DLG2: variants seen among roughly 807,000 people sequenced by gnomAD.
DLG2 encodes discs large MAGUK scaffold protein 2, also known as disks large homolog 2.
A neutral mutation model predicts 132.5 loss-of-function variants in DLG2; 45 were observed. That is an observed-to-expected ratio of 0.34 (90% confidence interval 0.27 to 0.44). DLG2 has a LOEUF of 0.44. Ranked by LOEUF, DLG2 falls within the 20% of genes least tolerant of loss-of-function variation. The probability of loss-of-function intolerance (pLI) is 1.00; values close to 1 mark genes in which losing one functional copy is unlikely to be tolerated. For synonymous variants in DLG2, 424 were observed against 419.6 expected, an observed-to-expected ratio of 1.01 and a Z score of -0.13; for missense variants, 1,045 against 1,196.9, an observed-to-expected ratio of 0.87 and a Z score of 1.87.
intron 6 of DLG2, among the ~76,000 whole-genome samples, chr11:84,906,218 A>C (rs993090945): frequency 4.7e-5 from 7 of 149,072 alleles, no homozygotes; most frequent in Non-Finnish European, 8.9e-5. Flanking sequence ...AACTAATATA[A>C]AAACAAGTTT....
intron 3 of DLG2, among the ~76,000 whole-genome samples, chr11:85,343,369 C>T (rs2082625423): frequency 6.6e-6 from 1 of 152,162 alleles, no homozygotes; most frequent in Admixed American, 6.5e-5. Flanking sequence ...TATATTTCCT[C>T]TTTGTTTATC....
Position 83,483,220 on chromosome 11 carries a change from G to T in DLG2, c.2293+909C>A, listed in dbSNP as rs759525557. 8 of 1,596,914 alleles carry T rather than the reference G, an allele frequency of 5.0e-6. No homozygotes were observed. The Admixed American group carries it at 5.0e-5, about 10-fold the overall frequency. ...AACTCAAAAGGAAAGGAAAAGAAAA[G>T]AAAAGTTACAGTGACCATTCCTGGA... On this transcript the variant is annotated intron_variant, in intron 22 of 27. Coordinates refer to ENST00000376104, the MANE Select transcript of DLG2 (RefSeq NM_001142699.3).
Position 83,867,027 on chromosome 11 carries a change from C to T in DLG2, c.1565+7393G>A, listed in dbSNP as rs576628738. 1.2e-3 allele frequency among the ~76,000 whole-genome samples: 178 copies of T among 152,250 alleles called. 1 individual carries two copies. The highest frequency in any genetic ancestry group is 4.2e-3 in the African/African-American group (173 of 41,552). ...GGAATCATTATACAAGTTTGTTCCC[C>T]ATTTAATAACATTTTTATTTGAAAG... On this transcript the variant is annotated intron_variant, in intron 16 of 27. Transcript: ENST00000376104.
At chr11:83,494,915 A>G (rs2094068099) in intron 21 of DLG2, among the ~76,000 whole-genome samples, 1 of 152,202 alleles carries the variant, frequency 6.6e-6, no homozygotes, top group Non-Finnish European at 1.5e-5. Flanking sequence ...CTAGAATAGA[A>G]GATTCAAATG....
intron 3 of DLG2, among the ~76,000 whole-genome samples, chr11:85,290,783 A>C (rs2078844733): frequency 6.6e-6 from 1 of 151,952 alleles, no homozygotes; most frequent in Non-Finnish European, 1.5e-5. Flanking sequence ...ATTCAGTCCA[A>C]TCTCTCTCTC....
chr11:84,263,649 T>G (rs962025757), intron 7 of DLG2, among the ~76,000 whole-genome samples: 1 of 152,044 alleles, frequency 6.6e-6, no homozygotes, highest in Non-Finnish European at 1.5e-5. Flanking sequence ...AAGGTATAAC[T>G]CCAGAAAAAA....
At chr11:84,883,057 C>T (rs910973238) in intron 6 of DLG2, among the ~76,000 whole-genome samples, 5 of 152,106 alleles carry the variant, frequency 3.3e-5, no homozygotes, top group South Asian at 2.1e-4. Context: ...TTGGAACCAA[C>T]CCAAATGCCC....
intron 18 of DLG2, chr11:83,786,460 T>C: frequency 2.1e-6 from 1 of 482,676 alleles, no homozygotes; most frequent in Non-Finnish European, 3.7e-6. Context: ...TGCTATTTAT[T>C]TGAATTCATA....
At chr11:85,333,223 C>A (rs1185161388) in intron 3 of DLG2, among the ~76,000 whole-genome samples, 5 of 152,010 alleles carry the variant, frequency 3.3e-5, no homozygotes, top group African/African-American at 4.8e-5. Context: ...GGCTTGTGTT[C>A]TTGATTGGCT....
At chr11:84,200,894 C>A (rs1198668280) in intron 8 of DLG2, among the ~76,000 whole-genome samples, 2 of 152,038 alleles carry the variant, frequency 1.3e-5, no homozygotes, top group Non-Finnish European at 2.9e-5. Flanking sequence ...TTTTTGCAAA[C>A]AAGATGGTTT....
At position 83,930,326 on chromosome 11, in the gene DLG2, A is replaced by G; in HGVS notation, c.1496+2T>C. 1 of 1,613,680 alleles carries G rather than the reference A, an allele frequency of 6.2e-7. No homozygotes were observed. The highest frequency in any genetic ancestry group is 8.5e-7 in the Non-Finnish European group (1 of 1,179,816). On this transcript the variant is annotated splice_donor_variant, in intron 15 of 27. Transcript: ENST00000376104. LOFTEE classifies it high-confidence loss of function. ...GATGAAGTGAGGAAGCGCATGCAGT[A>G]CCTGGTCATCTCAGAGTCAGGTAGC...
rs151183707 is a variant in DLG2 at position 85,158,084 on chromosome 11, G to A, written c.187-3433C>T. ...CTTATAACTAGGCTGACCTCTCAGT[G>A]GGCCCTAGAGGTGAAGTTCAGAGTG... On this transcript the variant is annotated intron_variant, in intron 4 of 27. Coordinates refer to ENST00000376104, the MANE Select transcript of DLG2 (RefSeq NM_001142699.3). Among the ~76,000 whole-genome samples the A allele has an allele frequency of 5.1e-4, 77 of 152,136 alleles. 2 individuals are homozygous for A. The highest frequency in any genetic ancestry group is 1.6e-3 in the African/African-American group (67 of 41,508).
intron 18 of DLG2, among the ~76,000 whole-genome samples, chr11:83,746,939 C>A (rs1331140410): frequency 1.3e-5 from 2 of 152,116 alleles, no homozygotes; most frequent in African/African-American, 4.8e-5. Context: ...TAAAACCAAG[C>A]AGTACCATAA....
chr11:85,396,792 A>G (rs1023110957), intron 3 of DLG2, among the ~76,000 whole-genome samples: 16 of 152,178 alleles, frequency 1.1e-4, no homozygotes, highest in Admixed American at 9.8e-4. Context: ...AAGACCAAAT[A>G]TATGTTTGAT....
chr11:84,050,096 A>G (rs562259541), intron 11 of DLG2, among the ~76,000 whole-genome samples: 1 of 151,790 alleles, frequency 6.6e-6, no homozygotes, highest in South Asian at 2.1e-4. Context: ...GCTGGAGGAG[A>G]AAGAGATCAC....
intron 3 of DLG2, among the ~76,000 whole-genome samples, chr11:85,497,741 CCCTACAAG>C (rs2093700684): frequency 6.6e-6 from 1 of 152,166 alleles, no homozygotes; most frequent in Non-Finnish European, 1.5e-5. Context: ...TCGGCAGAAA[CCCTACAAG>C]CCAAAAGAGA....
Position 85,397,366 on chromosome 11 carries a change from T to A in DLG2, c.41-112001A>T, listed in dbSNP as rs186847745. 1.1e-3 allele frequency among the ~76,000 whole-genome samples: 167 copies of A among 152,230 alleles called. 1 individual carries two copies. Among genetic ancestry groups the A allele is most frequent in the Non-Finnish European group, 1.2e-3 (84 of 68,020 alleles). ...GCATCAATGATATGAAGAAACTGCA[T>A]CAATTAACGGGCAAAATAACCACCT... is the stretch of plus-strand genomic sequence containing the variant. On this transcript the variant is annotated intron_variant, in intron 3 of 27. Transcript: ENST00000376104.
chr11:83,528,091 G>A (rs185851963), intron 21 of DLG2, among the ~76,000 whole-genome samples: 53 of 152,240 alleles, frequency 3.5e-4, no homozygotes, highest in Admixed American at 1.8e-3. Flanking sequence ...CACTGAGATG[G>A]GTCTTAGGGA....
At position 85,554,106 on chromosome 11, in the gene DLG2, GT is replaced by G. The variant is rs2076810090; in HGVS notation, c.40+44550del. On this transcript the variant is annotated intron_variant, in intron 3 of 27. Coordinates refer to ENST00000376104, the MANE Select transcript of DLG2 (RefSeq NM_001142699.3). ...TCTATCCAAGATCTCAACTCAAGAA[GT>G]TTTTAAAAGGACAATAGAGTAAAAT... Among the ~76,000 whole-genome samples, 3 of 150,796 alleles carry G rather than the reference GT, an allele frequency of 2.0e-5. No homozygotes were observed. In the South Asian group the frequency reaches 6.3e-4, roughly 31 times the overall value.
Sources: gnomAD v4.1 joint callset for allele counts (sites outside exome capture counted in the v4.1 genomes callset) on GRCh38, gnomAD v4.1.1 for gene constraint, MANE v1.5 for transcripts, NCBI Gene and HGNC (gene_info 2026-07-23, HGNC 2026-07-21) for gene names.